The following SPATA7 variants were observed in gnomAD, a reference collection of about 807,000 sequenced individuals.
SPATA7 encodes spermatogenesis-associated protein 7.
In SPATA7, 43 loss-of-function variants were observed where a neutral mutation model predicts 51.8. The observed-to-expected ratio is 0.83, with a 90% CI of 0.65 to 1.07. The LOEUF is 1.07. Ranked by LOEUF, SPATA7 falls within the 50% of genes least tolerant of loss-of-function variation. SPATA7 has a pLI of 0.00. For synonymous variants in SPATA7, 230 were observed against 252.8 expected (o/e 0.91, Z 0.86); for missense variants, 683 against 701.3 (o/e 0.97, Z 0.30).
chr14:88,445,295 T>C (rs1433453395), intron 3 of SPATA7, among the ~76,000 whole-genome samples: 1 of 150,128 alleles, frequency 6.7e-6, no homozygotes. Context: ...TTGTCTGTTG[T>C]TGGTGTATAA....
At chr14:88,389,179 A>G (rs998968998) in intron 1 of SPATA7, among the ~76,000 whole-genome samples, 2 of 151,974 alleles carry the variant, frequency 1.3e-5, no homozygotes, top group African/African-American at 2.4e-5. Context: ...GATGAATTAA[A>G]TCGTCTTATT....
At chr14:88,397,177 A>G (rs1186790106) in intron 4 of SPATA7, among the ~76,000 whole-genome samples, 1 of 152,208 alleles carries the variant, frequency 6.6e-6, no homozygotes, top group Non-Finnish European at 1.5e-5. Context: ...GGCGTGAGCC[A>G]CTGCACCCAG....
chr14:88,433,710 T>A (rs74075021), intron 10 of SPATA7, among the ~76,000 whole-genome samples: 3,752 of 152,300 alleles, frequency 0.025, 160 homozygotes, highest in African/African-American at 0.085. Flanking sequence ...TCCTGAATTT[T>A]GCTTGAACAT....
intron 9 of SPATA7, among the ~76,000 whole-genome samples, chr14:88,432,019 T>C (rs1460858405): frequency 6.6e-6 from 1 of 152,158 alleles, no homozygotes; most frequent in Non-Finnish European, 1.5e-5. Flanking sequence ...TAGAAATTTG[T>C]CCCCAGGTAT....
intron 4 of SPATA7, among the ~76,000 whole-genome samples, chr14:88,464,675 AGCCGAGATCGT>A: frequency 6.6e-6 from 1 of 152,272 alleles, no homozygotes; most frequent in South Asian, 2.1e-4. Context: ...GGTTTCAGTA[AGCCGAGATCGT>A]GCCACTGCAC....
At chr14:88,435,083 G>T (rs1264843316) in intron 10 of SPATA7, among the ~76,000 whole-genome samples, 1 of 152,186 alleles carries the variant, frequency 6.6e-6, no homozygotes, top group Non-Finnish European at 1.5e-5. Context: ...GACCTCAGGG[G>T]AGAGGAAATT....
downstream of SPATA7, among the ~76,000 whole-genome samples, chr14:88,441,796 G>C (rs913149754): frequency 1.3e-5 from 2 of 152,118 alleles, no homozygotes; most frequent in Non-Finnish European, 2.9e-5. Flanking sequence ...TCTGTGGGTT[G>C]TCTGTTTACT....
At chr14:88,434,687 G>GA (rs552414869) in intron 10 of SPATA7, among the ~76,000 whole-genome samples, 373 of 56,860 alleles carry the variant, frequency 6.6e-3, no homozygotes, top group African/African-American at 0.015. Flanking sequence ...CTCTGTCTCA[G>GA]AAAAAAAAAA....
At chr14:88,395,846 G>T (rs974180926) in intron 3 of SPATA7, among the ~76,000 whole-genome samples, 2 of 152,034 alleles carry the variant, frequency 1.3e-5, no homozygotes, top group East Asian at 3.9e-4. Context: ...TTGAAATCAG[G>T]TAGTGTAAGT....
chr14:88,433,053 C>A, intron 9 of SPATA7, 82 bp from the exon 10 acceptor site: 1 of 1,028,264 alleles, frequency 9.7e-7, no homozygotes, highest in Non-Finnish European at 1.5e-6. Flanking sequence ...ATAGATATTT[C>A]TAATTAGGTA....
Position 88,415,229 on chromosome 14 carries a change from G to A in SPATA7, c.239-1482G>A, listed in dbSNP as rs112833906. On this transcript the variant is annotated intron_variant, in intron 4 of 11. Transcript: ENST00000393545. The stretch of plus-strand genomic sequence containing the variant: ...GGTCTAGAAGTACTTGTATGAATCT[G>A]GGTGCTCCAGTGTTGGGTGCAAATA... The A allele has an allele frequency of 2.0e-3, 721 of 355,040 alleles. 10 individuals carry two copies. The highest frequency in any genetic ancestry group is 0.013 in the African/African-American group (620 of 47,416). The allele number at this position is 355,040 out of a possible 1,614,324, so 22.0% of individuals were successfully genotyped here.
At chr14:88,462,785 A>G (rs2077325686) in intron 4 of SPATA7, among the ~76,000 whole-genome samples, 1 of 152,240 alleles carries the variant, frequency 6.6e-6, no homozygotes, top group Non-Finnish European at 1.5e-5. Context: ...ACATTTATCT[A>G]GTTAATAAGT....
chr14:88,459,707 C>T (rs933595078), downstream of SPATA7, among the ~76,000 whole-genome samples: 1 of 152,150 alleles, frequency 6.6e-6, no homozygotes, highest in Non-Finnish European at 1.5e-5. Flanking sequence ...GCATTTAGCC[C>T]ATTTACATTT....
Position 88,469,611 on chromosome 14 carries a change from G to A in SPATA7, c.255-236G>A, listed in dbSNP as rs562222107. ...GGAGGTGCTTCATCTTCAGGCCTGT[G>A]GTGGCATAGCAGCCAGAGTCTGTGC... On this transcript the variant is annotated intron_variant, in intron 4 of 4. Transcript: ENST00000556406. The surrounding 1 kb of genome is among the most constrained non-coding windows in gnomAD (Gnocchi z 4.3). The A allele has an allele frequency of 2.1e-5, 34 of 1,614,100 alleles. No individual in the cohort carries two copies. In the Admixed American group the frequency reaches 4.5e-4, roughly 21 times the overall value.
rs1315969011 is a variant in SPATA7 at position 88,426,259 on chromosome 14, G to A, written c.400G>A (p.Asp134Asn). ...KPSGEPQIED[D>N]MLKEEMNGFS... Reference sequence around the variant, plus strand: ...CTCAGGCGAACCGCAAATTGAGGATGACATGTTAAAAGAAGAAATGAATGG... The same window carrying A: ...CTCAGGCGAACCGCAAATTGAGGATAACATGTTAAAAGAAGAAATGAATGG... Residue 134 changes from aspartate to asparagine, a missense_variant, in exon 6 of 12, where the codon GAC becomes AAC. By Grantham distance (23) the Asp-to-Asn change is conservative. Coordinates refer to ENST00000393545, the MANE Select transcript of SPATA7 (RefSeq NM_018418.5). The A allele has an allele frequency of 3.1e-6, 5 of 1,613,832 alleles. No homozygotes were observed. Among genetic ancestry groups the A allele is most frequent in the Admixed American group, 3.3e-5 (2 of 59,938 alleles).
intron 3 of SPATA7, among the ~76,000 whole-genome samples, chr14:88,445,714 A>G (rs1413070707): frequency 1.3e-5 from 2 of 152,186 alleles, no homozygotes; most frequent in African/African-American, 4.8e-5. Flanking sequence ...GAATTTTGTC[A>G]AAGGCCTTTT....
chr14:88,464,803 C>A (rs539616922), intron 4 of SPATA7, among the ~76,000 whole-genome samples: 9 of 152,274 alleles, frequency 5.9e-5, no homozygotes, highest in Non-Finnish European at 1.0e-4. Context: ...AAATAATAAA[C>A]CTGCTCTTGG....
intron 2 of SPATA7, among the ~76,000 whole-genome samples, chr14:88,393,000 T>C (rs1253064435): frequency 6.6e-6 from 1 of 152,156 alleles, no homozygotes; most frequent in East Asian, 1.9e-4. Context: ...GGTTTTGGGA[T>C]TTGGTAGTCA....
intron 3 of SPATA7, among the ~76,000 whole-genome samples, chr14:88,447,541 T>G (rs573795799): frequency 8.5e-5 from 13 of 152,320 alleles, no homozygotes; most frequent in African/African-American, 2.4e-4. Context: ...TGTTAGCTGG[T>G]TATTTTGCTC....
Sources: gnomAD v4.1 joint callset for allele counts (sites outside exome capture counted in the v4.1 genomes callset) on GRCh38, gnomAD v4.1.1 for gene constraint, Gnocchi (gnomAD v3.1) non-coding constraint, MANE v1.5 for transcripts, NCBI Gene and HGNC (gene_info 2026-07-23, HGNC 2026-07-21) for gene names.